EPB41L4B: variants seen among roughly 807,000 people sequenced by gnomAD.
EPB41L4B encodes band 4.1-like protein 4B.
A neutral mutation model predicts 112.5 loss-of-function variants in EPB41L4B; 30 were observed. The observed-to-expected ratio is 0.27, with a 90% confidence interval of 0.20 to 0.36. The LOEUF (loss-of-function observed/expected upper bound fraction) is 0.36. Ranked by LOEUF, EPB41L4B falls within the 10% of genes least tolerant of loss-of-function variation. The pLI is 1.00. For synonymous variants in EPB41L4B, 408 were observed against 439.7 expected, an observed-to-expected ratio of 0.93 and a Z score of 0.90; for missense variants, 1,024 against 1,133.3, an observed-to-expected ratio of 0.90 and a Z score of 1.38.
intron 22 of EPB41L4B, among the ~76,000 whole-genome samples, chr9:109,186,948 A>G (rs570333941): frequency 6.6e-6 from 1 of 152,320 alleles, no homozygotes; most frequent in East Asian, 1.9e-4. Flanking sequence ...TTGTGAAAAA[A>G]GTGCCACATC....
chr9:109,247,744 G>A lies in EPB41L4B; in HGVS notation c.1344+12C>T, dbSNP rs1310106877. ...CCTTCTTTAAAGAAAACCTTTAAAA[G>A]CAGTATCTTACCTGGTAATTATGGA... On this transcript the variant is annotated intron_variant, in intron 14 of 25. Coordinates refer to ENST00000374566, the MANE Select transcript of EPB41L4B (RefSeq NM_019114.5). 2.1e-6 allele frequency: 3 copies of A among 1,431,656 alleles called. No individual in the cohort carries two copies. Among genetic ancestry groups the A allele is most frequent in the Admixed American group, 2.8e-5 (1 of 35,756 alleles). 88.7% of individuals were successfully genotyped at this position (1,431,656 alleles called of 1,614,324 possible).
At chr9:109,194,746 C>T (rs780174300) in intron 20 of EPB41L4B, among the ~76,000 whole-genome samples, 7 of 152,212 alleles carry the variant, frequency 4.6e-5, no homozygotes, top group Non-Finnish European at 1.0e-4. Context: ...AAAACTTTTT[C>T]ATCAGTGACA....
intron 1 of EPB41L4B, among the ~76,000 whole-genome samples, chr9:109,294,510 A>C (rs1836658443): frequency 6.6e-6 from 1 of 151,904 alleles, no homozygotes. Context: ...GCTACTCAGG[A>C]GGCTGAGGTA....
intron 15 of EPB41L4B, among the ~76,000 whole-genome samples, chr9:109,232,166 A>G (rs1354185348): frequency 6.6e-6 from 1 of 151,878 alleles, no homozygotes; most frequent in Non-Finnish European, 1.5e-5. Flanking sequence ...TAATTTTTGT[A>G]TTTTTAGTAG....
At chr9:109,288,753 A>AAAAAAAC (rs1491056660) in intron 1 of EPB41L4B, among the ~76,000 whole-genome samples, 1 of 141,798 alleles carries the variant, frequency 7.1e-6, no homozygotes, top group Non-Finnish European at 1.5e-5. Context: ...AAAAAAAAAA[A>AAAAAAAC]AGCTGGGTGT....
intron 20 of EPB41L4B, among the ~76,000 whole-genome samples, chr9:109,199,556 C>T (rs1421048518): frequency 6.6e-6 from 1 of 152,148 alleles, no homozygotes; most frequent in African/African-American, 2.4e-5. Context: ...GTAATCCCAA[C>T]TACTTGGGAG....
intron 15 of EPB41L4B, among the ~76,000 whole-genome samples, chr9:109,217,826 G>A (rs1833429966): frequency 6.6e-6 from 1 of 152,082 alleles, no homozygotes; most frequent in Admixed American, 6.5e-5. Context: ...ACCCTCCTGG[G>A]CTTCCCAAAA....
chr9:109,202,920 C>T (rs1832883134), intron 19 of EPB41L4B, among the ~76,000 whole-genome samples: 1 of 152,022 alleles, frequency 6.6e-6, no homozygotes, highest in Non-Finnish European at 1.5e-5. Flanking sequence ...CTTTGGGAGG[C>T]CGGGGTGGGT....
At position 109,220,460 on chromosome 9, in the gene EPB41L4B, ATC is replaced by A. The variant is rs758585701; in HGVS notation, c.1410-3317_1410-3316del. Among the ~76,000 whole-genome samples the A allele has an allele frequency of 6.6e-5, 10 of 152,330 alleles. No homozygotes were observed. In the East Asian group the frequency reaches 1.9e-3, roughly 29 times the overall value. ...AGACTGGTTGGGGAGAGACTCCAGT[ATC>A]TCTCTGTTAGGAGACTGCCGCAGGG... On this transcript the variant is annotated intron_variant, in intron 15 of 25. Transcript: ENST00000374566.
At chr9:109,288,193 G>A (rs1564322033) in intron 1 of EPB41L4B, among the ~76,000 whole-genome samples, 1 of 152,254 alleles carries the variant, frequency 6.6e-6, no homozygotes, top group Non-Finnish European at 1.5e-5. Flanking sequence ...GCTGCTGCGA[G>A]AGGATGCAGC....
intron 23 of EPB41L4B, among the ~76,000 whole-genome samples, chr9:109,185,090 C>T (rs1177718913): frequency 6.6e-6 from 1 of 152,198 alleles, no homozygotes; most frequent in Admixed American, 6.5e-5. Context: ...TGTCAGGTAG[C>T]ACTCCTATTA....
chr9:109,175,844 C>T (rs957096783), intron 25 of EPB41L4B, among the ~76,000 whole-genome samples: 1 of 152,154 alleles, frequency 6.6e-6, no homozygotes, highest in African/African-American at 2.4e-5. Context: ...CTTAAACTTC[C>T]GTAACCATGT....
At chr9:109,226,746 T>C (rs1256187781) in intron 15 of EPB41L4B, among the ~76,000 whole-genome samples, 1 of 93,800 alleles carries the variant, frequency 1.1e-5, no homozygotes, top group Non-Finnish European at 2.3e-5. Flanking sequence ...GAAGAATATA[T>C]ATATGAAGAA....
chr9:109,246,644 G>A (rs1374131849), intron 14 of EPB41L4B, among the ~76,000 whole-genome samples: 2 of 152,218 alleles, frequency 1.3e-5, no homozygotes, highest in African/African-American at 2.4e-5. Flanking sequence ...GGAACCAGGT[G>A]GTACAAGGCT....
chr9:109,242,858 A>C (rs941773254), intron 15 of EPB41L4B, among the ~76,000 whole-genome samples: 15 of 151,830 alleles, frequency 9.9e-5, no homozygotes, highest in African/African-American at 2.7e-4. Context: ...AAAAAAAAAA[A>C]AAAAAAAACA....
At position 109,208,048 on chromosome 9, in the gene EPB41L4B, G is replaced by T; in HGVS notation, c.1754C>A (p.Ala585Asp). The change falls in exon 18 of 26, where the codon GCT (alanine) becomes GAT (aspartate). Residue 585 changes from alanine to aspartate, a missense_variant and splice_region_variant. Transcript: ENST00000374566. ...TTTCTCCGAGACTTTCTTTTCTTCAGCCTGAGACAAACCAAAATACAAACA... is the reference window on the plus strand; with the variant it reads ...TTTCTCCGAGACTTTCTTTTCTTCATCCTGAGACAAACCAAAATACAAACA... ...WPPLHININK[A>D]EEKKVSEKTL... is the part of the protein sequence containing the mutation. The T allele has an allele frequency of 6.2e-7, 1 of 1,613,834 alleles. No individual in the cohort carries two copies.
At chr9:109,305,254 T>A (rs1262007974) in intron 1 of EPB41L4B, among the ~76,000 whole-genome samples, 1 of 151,996 alleles carries the variant, frequency 6.6e-6, no homozygotes, top group African/African-American at 2.4e-5. Context: ...ATAAGCTTCA[T>A]AAATGTGGCA....
intron 14 of EPB41L4B, among the ~76,000 whole-genome samples, chr9:109,247,199 G>A (rs1834591106): frequency 1.3e-5 from 2 of 150,674 alleles, no homozygotes; most frequent in Admixed American, 1.3e-4. Flanking sequence ...TTTTAATCAG[G>A]GGCGTGAGAG....
chr9:109,218,751 A>T (rs112397054), intron 15 of EPB41L4B, among the ~76,000 whole-genome samples: 21 of 151,898 alleles, frequency 1.4e-4, no homozygotes, highest in African/African-American at 4.8e-4. Context: ...GTCCTTCCTC[A>T]TCTGTCAACC....
Sources: gnomAD v4.1 joint callset for allele counts (sites outside exome capture counted in the v4.1 genomes callset) on GRCh38, gnomAD v4.1.1 for gene constraint, MANE v1.5 for transcripts, NCBI Gene and HGNC (gene_info 2026-07-23, HGNC 2026-07-21) for gene names.